Variants in TSBP1 observed in about 807,000 individuals in gnomAD.
TSBP1 encodes the protein testis-expressed basic protein 1.
Under a neutral mutation model 68.8 loss-of-function variants are expected in TSBP1, and 56 were observed. The ratio of observed to expected loss-of-function variants is 0.81; its 90% CI spans 0.66 to 1.02. The LOEUF is 1.02. Ranked by LOEUF, TSBP1 falls within the 50% of genes least tolerant of loss-of-function variation. The pLI, the probability that TSBP1 is intolerant of heterozygous loss-of-function variation, is 0.00. For synonymous variants in TSBP1, 171 were observed against 208.7 expected, an observed-to-expected ratio of 0.82 and a Z score of 1.56; for missense variants, 502 against 641.2, an observed-to-expected ratio of 0.78 and a Z score of 2.34.
Position 32,302,071 on chromosome 6 carries a change from C to A in TSBP1, c.601+538G>T, listed in dbSNP as rs11759575. Reference sequence around the variant, plus strand: ...AGTATTTTATTGGGACATACCCATGCTCATTCTTTTATATATTGTCTATGA... The same window carrying A: ...AGTATTTTATTGGGACATACCCATGATCATTCTTTTATATATTGTCTATGA... On this transcript the variant is annotated intron_variant, in intron 20 of 22. Coordinates refer to ENST00000612031, the Ensembl canonical transcript of TSBP1. This position sits in a 1 kb window ranked among gnomAD's most constrained non-coding sequence, Gnocchi z 5.1. 2.0e-4 allele frequency among the ~76,000 whole-genome samples: 31 copies of A among 151,666 alleles called. No individual in the cohort carries two copies. The highest frequency in any genetic ancestry group is 6.6e-4 in the Admixed American group (10 of 15,242).
Position 32,365,280 on chromosome 6 carries a change from G to C in TSBP1, c.217+887C>G, listed in dbSNP as rs1388452850. 2.2e-6 allele frequency: 1 copy of C among 456,410 alleles called. No homozygotes were observed. Among genetic ancestry groups the C allele is most frequent in the East Asian group, 6.9e-5 (1 of 14,396 alleles). The allele number at this position is 456,410 out of a possible 1,614,324, so 28.3% of individuals were successfully genotyped here. A position where few individuals can be genotyped will look rare whatever the true frequency, so the allele number is the denominator to read the frequency against. On this transcript the variant is annotated intron_variant, in intron 6 of 22. Transcript: ENST00000612031. The surrounding 1 kb of genome is among the most constrained non-coding windows in gnomAD (Gnocchi z 4.3). ...CCTTCCCTTTGTTTTCCCTAGGGTGGTGCTCTGGAATTCTCAAGTTTGTGT... is the reference window on the plus strand; with the variant it reads ...CCTTCCCTTTGTTTTCCCTAGGGTGCTGCTCTGGAATTCTCAAGTTTGTGT...
rs921024156 is a variant in TSBP1, at chr6:32,333,386, G to A, written c.473-1332C>T. ...TCTGAACTGGGAGAATTGTAAATAT[G>A]TATTAAGAAGCCATAACTTTGGGCT... On this transcript the variant is annotated intron_variant, in intron 14 of 22. Transcript: ENST00000612031. This position sits in a 1 kb window ranked among gnomAD's most constrained non-coding sequence, Gnocchi z 4.2. 6.6e-5 allele frequency among the ~76,000 whole-genome samples: 10 copies of A among 152,150 alleles called. No homozygotes were observed. Among genetic ancestry groups the A allele is most frequent in the African/African-American group, 2.4e-4 (10 of 41,422 alleles).
In TSBP1 at chr6:32,367,265, A is replaced by AGAGAGAGAGAGAGAGAGAGAG. The variant is rs9281758; in HGVS notation, c.166+659_166+660insCTCTCTCTCTCTCTCTCTCTC. Reference sequence around the variant, plus strand: ...GGAAAGAGAGAGAGAGAGAGAGAGAAAGAGAGAGAGAGACAGCCGAGGGAA... The same window carrying AGAGAGAGAGAGAGAGAGAGAG: ...GGAAAGAGAGAGAGAGAGAGAGAGAAGAGAGAGAGAGAGAGAGAGAGAGAGAGAGAGAGACAGCCGAGGGAA... On this transcript the variant is annotated intron_variant, in intron 4 of 22. Coordinates refer to ENST00000612031, the Ensembl canonical transcript of TSBP1. 2.2e-3 allele frequency among the ~76,000 whole-genome samples: 257 copies of AGAGAGAGAGAGAGAGAGAGAG among 117,764 alleles called. 6 individuals are homozygous for AGAGAGAGAGAGAGAGAGAGAG. Among genetic ancestry groups the AGAGAGAGAGAGAGAGAGAGAG allele is most frequent in the East Asian group, 3.7e-3 (14 of 3,742 alleles). 77.3% of individuals were successfully genotyped at this position (117,764 alleles called of 152,430 possible). A position where few individuals can be genotyped will look rare whatever the true frequency, so the allele number is the denominator to read the frequency against.
intron 6 of TSBP1, among the ~76,000 whole-genome samples, chr6:32,362,347 A>G (rs1455393334): frequency 6.6e-6 from 1 of 150,630 alleles, no homozygotes; most frequent in Non-Finnish European, 1.5e-5. Flanking sequence ...CCACCTTGCC[A>G]TGTTATGCCC....
rs1191276654 is a variant in TSBP1, at chr6:32,314,929, C to T, written c.580+843G>A. On this transcript the variant is annotated intron_variant, in intron 19 of 22. Coordinates refer to ENST00000612031, the Ensembl canonical transcript of TSBP1. The surrounding 1 kb of genome is among the most constrained non-coding windows in gnomAD (Gnocchi z 4.2). ...CTACCTTCTTCAGACTATGCGTGTC[C>T]TCCCAGTTTAACACAGTTCCCAGGA... Among the ~76,000 whole-genome samples the T allele has an allele frequency of 6.6e-6, 1 of 152,192 alleles. No homozygotes were observed. The highest frequency in any genetic ancestry group is 2.4e-5 in the African/African-American group (1 of 41,452).
At chr6:32,322,592 T>A in intron 18 of TSBP1, 86 bp from the exon 20 acceptor site, 1 of 1,006,474 alleles carries the variant, frequency 9.9e-7, no homozygotes, top group Non-Finnish European at 1.6e-6. Context: ...CTGGAGTCTG[T>A]GAGGGGAGGA....
intron 6 of TSBP1, among the ~76,000 whole-genome samples, chr6:32,356,529 G>A (rs1023720253): frequency 6.6e-6 from 1 of 152,140 alleles, no homozygotes; most frequent in Admixed American, 6.5e-5. Context: ...AGACCAGCCT[G>A]GCCAACATGG....
intron 9 of TSBP1, among the ~76,000 whole-genome samples, chr6:32,341,898 T>C (rs1370346706): frequency 2.6e-5 from 4 of 152,072 alleles, no homozygotes; most frequent in Admixed American, 6.5e-5. Context: ...ACAAATGTAA[T>C]AGTCAGTATG....
At chr6:32,294,629 A>G (rs6457535) in intron 22 of TSBP1, among the ~76,000 whole-genome samples, 135,969 of 152,234 alleles carry the variant, frequency 0.89, 60,828 homozygotes, top group East Asian at 1. Flanking sequence ...GGCACAGAAT[A>G]CTTAAATGAA....
At chr6:32,330,721 A>C in intron 15 of TSBP1, 112 bp from the exon 17 acceptor site, 1 of 1,318,412 alleles carries the variant, frequency 7.6e-7, no homozygotes, top group Non-Finnish European at 1.0e-6. Flanking sequence ...CCCAGGCTGG[A>C]GTGTGGTAGG....
At chr6:32,324,600 G>T in intron 16 of TSBP1, 1 of 1,474,506 alleles carries the variant, frequency 6.8e-7, no homozygotes. Context: ...AAGACTCTTG[G>T]ACTCCACTAG....
chr6:32,297,883 A>AC (rs1764872309), intron 22 of TSBP1, among the ~76,000 whole-genome samples: 4 of 152,102 alleles, frequency 2.6e-5, no homozygotes, highest in South Asian at 2.1e-4. Context: ...ACATAGTGAG[A>AC]CCCCATCTCT....
intron 9 of TSBP1, among the ~76,000 whole-genome samples, chr6:32,341,503 G>A (rs2022531): frequency 0.77 from 116,388 of 152,066 alleles, 44,786 homozygotes; most frequent in South Asian, 0.88. Flanking sequence ...AAAATTTAAA[G>A]TAATACCATC....
In TSBP1 at chr6:32,336,052, CAA is replaced by C; in HGVS notation, c.431-122_431-121del. ...TCATAAATAGAAACAACGGGAAGAT[CAA>C]GAGTTGCTTGTATGGCGAGCCTCAG... On this transcript the variant is annotated intron_variant, in intron 12 of 22. Transcript: ENST00000612031. This position sits in a 1 kb window ranked among gnomAD's most constrained non-coding sequence, Gnocchi z 5.2. The C allele has an allele frequency of 1.1e-6, 1 of 877,494 alleles. No homozygotes were observed. The highest frequency in any genetic ancestry group is 2.5e-5 in the East Asian group (1 of 40,414). The allele number at this position is 877,494 out of a possible 1,614,324, so 54.4% of individuals were successfully genotyped here. A position where few individuals can be genotyped will look rare whatever the true frequency, so the allele number is the denominator to read the frequency against.
chr6:32,353,826 C>T (rs908429921), intron 8 of TSBP1, among the ~76,000 whole-genome samples: 7 of 151,924 alleles, frequency 4.6e-5, no homozygotes, highest in Middle Eastern at 3.4e-3. Flanking sequence ...CAAGATGAGA[C>T]GAAATCCCTC....
At chr6:32,299,000 T>C (rs1374748227) in intron 22 of TSBP1, among the ~76,000 whole-genome samples, 1 of 152,240 alleles carries the variant, frequency 6.6e-6, no homozygotes, top group Non-Finnish European at 1.5e-5. Context: ...TATCCAGCTT[T>C]TCTGTAGATG....
At chr6:32,311,411 A>G (rs1299620041) in intron 19 of TSBP1, among the ~76,000 whole-genome samples, 2 of 152,154 alleles carry the variant, frequency 1.3e-5, no homozygotes, top group Non-Finnish European at 2.9e-5. Flanking sequence ...GACAAGTAGG[A>G]TCACAAAGCT....
intron 6 of TSBP1, among the ~76,000 whole-genome samples, chr6:32,360,393 T>C (rs886729031): frequency 1.4e-4 from 22 of 151,930 alleles, no homozygotes; most frequent in African/African-American, 5.3e-4. Flanking sequence ...TGTGTGTGTG[T>C]GTGTGTGTAT....
chr6:32,293,462 A>G (rs1457377507), exon 23 of TSBP1: 1 of 1,611,094 alleles, frequency 6.2e-7, no homozygotes, highest in Admixed American at 1.7e-5. Flanking sequence ...TTTCAGTACA[A>G]CTGACTCCCT....
Sources: allele counts gnomAD v4.1 joint callset (sites outside exome capture counted in the v4.1 genomes callset), GRCh38; gene constraint gnomAD v4.1.1; non-coding constraint Gnocchi (gnomAD v3.1); transcripts MANE v1.5; gene names NCBI Gene and HGNC (gene_info 2026-07-23, HGNC 2026-07-21).